TTLL5: variants seen among roughly 807,000 people sequenced by gnomAD.
TTLL5 encodes the protein tubulin tyrosine ligase like 5, also known as tubulin polyglutamylase TTLL5.
In TTLL5, 132 loss-of-function variants were observed where a neutral mutation model predicts 168.4. The ratio of observed to expected loss-of-function variants is 0.78; its 90% CI spans 0.68 to 0.91. The LOEUF (loss-of-function observed/expected upper bound fraction) is 0.91. Among genes scored for constraint, TTLL5 ranks in the 40% least tolerant of loss-of-function variants. The probability of loss-of-function intolerance (pLI) is 0.00; values close to 1 mark genes in which losing one functional copy is unlikely to be tolerated. For synonymous variants in TTLL5, 546 were observed against 558.6 expected (o/e 0.98, Z 0.32); for missense variants, 1,545 against 1,581.5 (o/e 0.98, Z 0.39).
intron 18 of TTLL5, among the ~76,000 whole-genome samples, chr14:75,756,439 A>G (rs149461927): frequency 2.9e-4 from 44 of 152,216 alleles, no homozygotes; most frequent in African/African-American, 1.0e-3. Context: ...GGATACATGA[A>G]CCTACACAGG....
chr14:75,745,314 G>C (rs1043771909), intron 16 of TTLL5, 106 bp downstream of exon 16: 1 of 1,268,600 alleles, frequency 7.9e-7, no homozygotes, highest in Non-Finnish European at 1.1e-6. Context: ...ACATTGAAAA[G>C]AGAAAGATTC....
intron 31 of TTLL5, among the ~76,000 whole-genome samples, chr14:75,942,989 G>A (rs1169892970): frequency 6.6e-6 from 1 of 152,030 alleles, no homozygotes; most frequent in Non-Finnish European, 1.5e-5. Context: ...ATTATCTGTA[G>A]ACATTTGGCC....
At position 75,863,622 on chromosome 14, in the gene TTLL5, C is replaced by T. The variant is rs773082778; in HGVS notation, c.3327-45C>T. 5.2e-6 allele frequency: 8 copies of T among 1,529,908 alleles called. No individual in the cohort carries two copies. In the South Asian group the frequency reaches 1.0e-4, roughly 19 times the overall value. The allele number at this position is 1,529,908 out of a possible 1,614,324, so 94.8% of individuals were successfully genotyped here. On this transcript the variant is annotated intron_variant, in intron 28 of 31. Coordinates refer to ENST00000298832, the MANE Select transcript of TTLL5 (RefSeq NM_015072.5). ...TTTCTCTCCTTTCCTCTAGATTGTT[C>T]ATACAGCCACTCACTCTAAGAAACC... is the stretch of plus-strand genomic sequence containing the variant.
rs139848959 is a variant in TTLL5, at chr14:75,692,570, C to T, written c.502+2248C>T. ...AGAAAAATAACTATGTGAAATGAGT[C>T]GGTGGAAGCAGAGAGAAGAAACTGG... On this transcript the variant is annotated intron_variant, in intron 6 of 31. Transcript: ENST00000298832. Among the ~76,000 whole-genome samples, 559 of 152,148 alleles carry T rather than the reference C, an allele frequency of 3.7e-3. 5 individuals are homozygous for T. The highest frequency in any genetic ancestry group is 0.012 in the African/African-American group (516 of 41,520).
At chr14:75,732,296 A>G (rs1888597051) in intron 12 of TTLL5, 42 bp from the exon 13 acceptor site, 1 of 1,574,084 alleles carries the variant, frequency 6.4e-7, no homozygotes. Flanking sequence ...TAGTTGTGAC[A>G]TGGAAAATGA....
At chr14:75,674,731 G>T (rs1884008710) in intron 3 of TTLL5, among the ~76,000 whole-genome samples, 1 of 151,968 alleles carries the variant, frequency 6.6e-6, no homozygotes, top group African/African-American at 2.4e-5. Flanking sequence ...TGTTTATTTA[G>T]TAAGTTTGTA....
chr14:75,699,141 C>T (rs765641800), intron 6 of TTLL5, 47 bp from the exon 7 acceptor site: 14 of 1,537,622 alleles, frequency 9.1e-6, no homozygotes, highest in East Asian at 2.3e-5. Context: ...CAAGTTCATT[C>T]TTTTTCTTTG....
chr14:75,677,390 C>CTTTTT (rs11349214), intron 3 of TTLL5, among the ~76,000 whole-genome samples: 12 of 78,322 alleles, frequency 1.5e-4, no homozygotes, highest in African/African-American at 3.6e-4. Flanking sequence ...CTCTCTCTCT[C>CTTTTT]TTTTTTTTTT....
intron 3 of TTLL5, among the ~76,000 whole-genome samples, chr14:75,672,266 C>T (rs991184165): frequency 1.6e-4 from 25 of 151,650 alleles, no homozygotes; most frequent in African/African-American, 9.7e-5. Context: ...TATTTTTTTG[C>T]GACGGAGTCT....
At chr14:75,796,014 TC>T (rs1264806824) in intron 27 of TTLL5, among the ~76,000 whole-genome samples, 1 of 152,236 alleles carries the variant, frequency 6.6e-6, no homozygotes, top group East Asian at 1.9e-4. Context: ...CATAGTGTTT[TC>T]CATAATGGTT....
intron 31 of TTLL5, among the ~76,000 whole-genome samples, chr14:75,910,290 A>T (rs2033320612): frequency 6.6e-6 from 1 of 152,180 alleles, no homozygotes; most frequent in Non-Finnish European, 1.5e-5. Context: ...CTCTTGGAAA[A>T]AAATGCCTGG....
At chr14:75,905,732 A>G (rs988404894) in intron 31 of TTLL5, among the ~76,000 whole-genome samples, 1 of 152,212 alleles carries the variant, frequency 6.6e-6, no homozygotes, top group Non-Finnish European at 1.5e-5. Context: ...GCAGAGAGCA[A>G]CAGATTAGAT....
chr14:75,688,045 C>T (rs1175775358), intron 5 of TTLL5, among the ~76,000 whole-genome samples: 2 of 152,162 alleles, frequency 1.3e-5, no homozygotes, highest in East Asian at 1.9e-4. Context: ...TAGTCTTCCT[C>T]GTGTTTCCTG....
chr14:75,831,624 C>T (rs1895570696), intron 28 of TTLL5, among the ~76,000 whole-genome samples: 1 of 152,148 alleles, frequency 6.6e-6, no homozygotes, highest in South Asian at 2.1e-4. Flanking sequence ...TACTAGCTCC[C>T]AGGGAAGCCG....
intron 30 of TTLL5, among the ~76,000 whole-genome samples, chr14:75,900,200 G>T (rs1332577854): frequency 6.6e-6 from 1 of 152,168 alleles, no homozygotes; most frequent in Non-Finnish European, 1.5e-5. Flanking sequence ...CGATGTGGCT[G>T]TCCAAGGCCG....
chr14:75,870,925 G>A (rs1462130927), intron 29 of TTLL5, among the ~76,000 whole-genome samples: 1 of 151,596 alleles, frequency 6.6e-6, no homozygotes, highest in African/African-American at 2.4e-5. Context: ...CTCCCAAGTA[G>A]CTGGGACTAC....
intron 9 of TTLL5, among the ~76,000 whole-genome samples, chr14:75,715,986 T>C (rs1887429835): frequency 6.6e-6 from 1 of 152,148 alleles, no homozygotes; most frequent in African/African-American, 2.4e-5. Context: ...AAGCAGAAGC[T>C]TTCCCCTCCT....
intron 6 of TTLL5, among the ~76,000 whole-genome samples, chr14:75,692,270 A>C (rs1885519255): frequency 6.6e-6 from 1 of 152,172 alleles, no homozygotes; most frequent in African/African-American, 2.4e-5. Context: ...ACTATTTCCT[A>C]TTTCAGGCTA....
chr14:75,839,538 C>CTCT (rs1380425606), intron 28 of TTLL5, among the ~76,000 whole-genome samples: 1 of 152,178 alleles, frequency 6.6e-6, no homozygotes, highest in Non-Finnish European at 1.5e-5. Context: ...CAGAAGGCAC[C>CTCT]TCTTCACAGG....
Sources: gnomAD v4.1 joint callset for allele counts (sites outside exome capture counted in the v4.1 genomes callset) on GRCh38, gnomAD v4.1.1 for gene constraint, MANE v1.5 for transcripts, NCBI Gene and HGNC (gene_info 2026-07-23, HGNC 2026-07-21) for gene names.